The following MAP2 variants were observed in gnomAD, a reference collection of about 807,000 sequenced individuals.
The protein encoded by MAP2 is microtubule-associated protein 2.
MAP2 carries 14 observed loss-of-function variants against 137.6 expected under a neutral mutation model. The observed-to-expected ratio is 0.10, with a 90% CI of 0.07 to 0.16. MAP2 has a LOEUF of 0.16. Ranked by LOEUF, MAP2 falls within the 10% of genes least tolerant of loss-of-function variation. The pLI is 1.00. For synonymous variants in MAP2, 786 were observed against 782.3 expected (o/e 1.00, Z -0.08); for missense variants, 2,088 against 2,191.5 (o/e 0.95, Z 0.94).
chr2:209,473,480 C>A (rs959000573), intron 1 of MAP2, among the ~76,000 whole-genome samples: 2 of 151,972 alleles, frequency 1.3e-5, no homozygotes, highest in African/African-American at 4.8e-5. Flanking sequence ...AGGTATAGTA[C>A]CCTATATATT....
At chr2:209,431,204 C>G (rs1461746231) in intron 1 of MAP2, among the ~76,000 whole-genome samples, 1 of 151,892 alleles carries the variant, frequency 6.6e-6, no homozygotes, top group African/African-American at 2.4e-5. Context: ...AATAGGAATG[C>G]AAAGTTCTCC....
Position 209,694,218 on chromosome 2 carries a change from T to G in MAP2, c.2048T>G (p.Leu683Arg). ...LHSKNKDDLT[L>R]SRSLGLGGRS... ...AGTAAGAATAAGGATGATTTGACCC[T>G]TAGCAGGAGTTTAGGACTTGGTGGT... Residue 683 changes from leucine (L) to arginine (R), a missense_variant, in exon 8 of 16, where the codon CTT (leucine) becomes CGT (arginine). This residue lies in a region of MAP2 where 18 missense variants were observed against 41.6 expected (regional missense o/e 0.43). Coordinates refer to ENST00000682079, the MANE Select transcript of MAP2 (RefSeq NM_001375505.1). 1 of 1,614,100 alleles carries G rather than the reference T, an allele frequency of 6.2e-7. No homozygotes were observed. The highest frequency in any genetic ancestry group is 8.5e-7 in the Non-Finnish European group (1 of 1,180,002).
chr2:209,702,457 T>A (rs2062040498), intron 11 of MAP2, among the ~76,000 whole-genome samples: 1 of 152,024 alleles, frequency 6.6e-6, no homozygotes. Flanking sequence ...TTCTCTGATT[T>A]TTTTTGGTAG....
chr2:209,523,556 C>T (rs2063583443), intron 2 of MAP2, among the ~76,000 whole-genome samples: 1 of 152,152 alleles, frequency 6.6e-6, no homozygotes, highest in South Asian at 2.1e-4. Flanking sequence ...CCTTCTCTTG[C>T]CCATCTCTTC....
intron 3 of MAP2, among the ~76,000 whole-genome samples, chr2:209,583,143 G>GTCTATCTATCTATCTATCTATCTA (rs752715711): frequency 1.9e-4 from 18 of 94,084 alleles, no homozygotes; most frequent in East Asian, 2.9e-4. Context: ...CCATCTGTCT[G>GTCTATCTATCTATCTATCTATCTA]TCTGTCTATC....
At chr2:209,472,961 A>G (rs928989072) in intron 1 of MAP2, among the ~76,000 whole-genome samples, 2 of 152,286 alleles carry the variant, frequency 1.3e-5, no homozygotes, top group African/African-American at 4.8e-5. Context: ...TGTTATGTAT[A>G]TATTTATTGG....
At chr2:209,460,451 GGT>G (rs1427538994) in intron 1 of MAP2, among the ~76,000 whole-genome samples, 2 of 152,072 alleles carry the variant, frequency 1.3e-5, no homozygotes, top group Non-Finnish European at 2.9e-5. Context: ...TAGTGACTCA[GGT>G]GCCTTAGAGT....
chr2:209,680,053 CTTAACA>C (rs2053862683), intron 6 of MAP2, among the ~76,000 whole-genome samples: 2 of 152,088 alleles, frequency 1.3e-5, no homozygotes, highest in South Asian at 2.1e-4. Flanking sequence ...AAAAATAAAA[CTTAACA>C]TTAACTGTAA....
At chr2:209,480,941 C>T (rs1708588672) in intron 1 of MAP2, among the ~76,000 whole-genome samples, 1 of 152,086 alleles carries the variant, frequency 6.6e-6, no homozygotes, top group Non-Finnish European at 1.5e-5. Flanking sequence ...TGCTCTGCTT[C>T]ATCTGGAAAT....
At chr2:209,434,959 A>C (rs965379936) in intron 1 of MAP2, among the ~76,000 whole-genome samples, 7 of 138,856 alleles carry the variant, frequency 5.0e-5, no homozygotes, top group African/African-American at 1.9e-4. Flanking sequence ...TATATATATA[A>C]AGCAAATCAA....
chr2:209,654,585 C>G (rs16843382), intron 5 of MAP2, among the ~76,000 whole-genome samples: 16,282 of 152,116 alleles, frequency 0.11, 1,016 homozygotes, highest in East Asian at 0.23. Context: ...GTGGTGGTAT[C>G]AATATGGATG....
intron 11 of MAP2, among the ~76,000 whole-genome samples, chr2:209,705,133 A>G (rs910516443): frequency 1.7e-4 from 26 of 152,060 alleles, no homozygotes; most frequent in African/African-American, 5.6e-4. Flanking sequence ...TGAGAATCAA[A>G]TCATAAAAGG....
intron 1 of MAP2, among the ~76,000 whole-genome samples, chr2:209,465,449 A>G (rs1703894075): frequency 6.6e-6 from 1 of 152,122 alleles, no homozygotes; most frequent in Non-Finnish European, 1.5e-5. Flanking sequence ...TATCATTGTA[A>G]GAGGAGGACA....
intron 1 of MAP2, among the ~76,000 whole-genome samples, chr2:209,433,754 A>G (rs909176955): frequency 1.3e-5 from 2 of 152,062 alleles, no homozygotes; most frequent in African/African-American, 4.8e-5. Flanking sequence ...CTGTAACGTA[A>G]CTCAAACTGT....
intron 13 of MAP2, among the ~76,000 whole-genome samples, chr2:209,724,407 T>G (rs1295073977): frequency 6.6e-6 from 1 of 152,190 alleles, no homozygotes; most frequent in Non-Finnish European, 1.5e-5. Flanking sequence ...AAAACAAGAA[T>G]AGTTTTTCAA....
At chr2:209,478,526 C>T (rs1159348770) in intron 1 of MAP2, among the ~76,000 whole-genome samples, 6 of 152,108 alleles carry the variant, frequency 3.9e-5, no homozygotes, top group African/African-American at 1.2e-4. Context: ...TATAGAAGAA[C>T]GTGAAACAGG....
chr2:209,720,190 G>A (rs2069707708), intron 13 of MAP2, among the ~76,000 whole-genome samples: 1 of 152,156 alleles, frequency 6.6e-6, no homozygotes, highest in African/African-American at 2.4e-5. Flanking sequence ...AAGAAATAGG[G>A]TGCTTGGGGG....
chr2:209,714,062 G>A (rs1448089749), intron 13 of MAP2, among the ~76,000 whole-genome samples: 2 of 151,958 alleles, frequency 1.3e-5, no homozygotes, highest in East Asian at 1.9e-4. Flanking sequence ...ATAGCCAGGC[G>A]TGGTGGTGGG....
Position 209,544,761 on chromosome 2 carries a change from C to A in MAP2, c.-171-35275C>A, listed in dbSNP as rs760350834. On this transcript the variant is annotated intron_variant, in intron 2 of 15. Coordinates refer to ENST00000682079, the MANE Select transcript of MAP2 (RefSeq NM_001375505.1). ...CATCCATTTCTTCAAAATATGCTAA[C>A]CCAATAATGTGATATAAATCTGTAA... Among the ~76,000 whole-genome samples, 22 of 152,158 alleles carry A rather than the reference C, an allele frequency of 1.4e-4. 1 individual carries two copies.
Sources: gnomAD v4.1 joint callset for allele counts (sites outside exome capture counted in the v4.1 genomes callset) on GRCh38, gnomAD v4.1.1 for gene constraint, gnomAD v4.1.1 regional missense constraint, MANE v1.5 for transcripts, NCBI Gene and HGNC (gene_info 2026-07-23, HGNC 2026-07-21) for gene names.